Variants in LRBA observed in about 807,000 individuals in gnomAD.
LRBA encodes LPS responsive beige-like anchor protein.
A neutral mutation model predicts 330.0 loss-of-function variants in LRBA; 176 were observed. The observed-to-expected ratio is 0.53, with a 90% CI of 0.47 to 0.60. The LOEUF is 0.60. LRBA is among the 20% of genes least tolerant of loss of function. The pLI, the probability that LRBA is intolerant of heterozygous loss-of-function variation, is 0.00. For missense variants in LRBA, 3,259 were observed against 3,444.8 expected, an observed-to-expected ratio of 0.95 and a Z score of 1.35; for synonymous variants, 1,230 against 1,193.0, an observed-to-expected ratio of 1.03 and a Z score of -0.64.
At chr4:150,499,368 C>T (rs866567507) in intron 40 of LRBA, among the ~76,000 whole-genome samples, 1 of 152,088 alleles carries the variant, frequency 6.6e-6, no homozygotes, top group East Asian at 1.9e-4. Context: ...CAGGGCCAGG[C>T]AAAGTGGATT....
Position 150,712,887 on chromosome 4 carries a change from A to G in LRBA, c.5754+22371T>C, listed in dbSNP as rs77105500. 1.1e-3 allele frequency among the ~76,000 whole-genome samples: 165 copies of G among 152,286 alleles called. 2 individuals are homozygous for G. The East Asian group carries it at 0.025, about 23-fold the overall frequency. On this transcript the variant is annotated intron_variant, in intron 36 of 56. Transcript: ENST00000651943. ...TTTAGGAGGAAACACAAAAACACACAGAAACATTATGTTTCGAAAAGCCAC... is the reference window on the plus strand; with the variant it reads ...TTTAGGAGGAAACACAAAAACACACGGAAACATTATGTTTCGAAAAGCCAC...
intron 40 of LRBA, among the ~76,000 whole-genome samples, chr4:150,552,572 T>G (rs962623580): frequency 6.6e-6 from 1 of 152,294 alleles, no homozygotes; most frequent in East Asian, 1.9e-4. Flanking sequence ...GTTCAACCAC[T>G]GTGGAAGACA....
intron 40 of LRBA, among the ~76,000 whole-genome samples, chr4:150,539,399 C>T (rs1158796214): frequency 6.6e-6 from 1 of 152,120 alleles, no homozygotes; most frequent in Non-Finnish European, 1.5e-5. Flanking sequence ...CTAGGCTATT[C>T]TAAGGTATTT....
At position 150,916,385 on chromosome 4, in the gene LRBA, CAAG is replaced by C. The variant is rs760594391; in HGVS notation, c.894+13_894+15del. The C allele has an allele frequency of 4.3e-6, 7 of 1,610,358 alleles. No homozygotes were observed. The highest frequency in any genetic ancestry group is 1.1e-5 in the South Asian group (1 of 89,988). On this transcript the variant is annotated intron_variant, in intron 7 of 56. Coordinates refer to ENST00000651943, the MANE Select transcript of LRBA (RefSeq NM_001364905.1). ...ATAGCTTGTTAACATAACTATGACT[CAAG>C]AAGATCATGTACCTTTTGTGGCTTG... is the stretch of plus-strand genomic sequence containing the variant.
At chr4:150,464,540 G>C (rs1415079132) in intron 44 of LRBA, among the ~76,000 whole-genome samples, 1 of 151,968 alleles carries the variant, frequency 6.6e-6, no homozygotes, top group Non-Finnish European at 1.5e-5. Context: ...CGAGGTGTAA[G>C]GCCTTCCTTT....
At chr4:150,585,579 C>G (rs1053337195) in intron 40 of LRBA, among the ~76,000 whole-genome samples, 2 of 152,262 alleles carry the variant, frequency 1.3e-5, no homozygotes, top group African/African-American at 2.4e-5. Context: ...ATTAGTCAAA[C>G]AGAAAGTATC....
chr4:150,275,471 G>A (rs965093947), intron 56 of LRBA, among the ~76,000 whole-genome samples: 2 of 152,162 alleles, frequency 1.3e-5, no homozygotes, highest in Non-Finnish European at 2.9e-5. Context: ...TATTCAGATA[G>A]GAAAAGAGGA....
At chr4:150,576,106 T>C (rs1441660287) in intron 40 of LRBA, among the ~76,000 whole-genome samples, 2 of 151,148 alleles carry the variant, frequency 1.3e-5, no homozygotes, top group East Asian at 3.9e-4. Flanking sequence ...TCAAAGTTAT[T>C]TGGCAGGTAA....
intron 41 of LRBA, among the ~76,000 whole-genome samples, chr4:150,488,829 G>A (rs2152095190): frequency 7.2e-6 from 1 of 139,058 alleles, no homozygotes; most frequent in East Asian, 2.2e-4. Context: ...AGGTATTCAG[G>A]TAAATAAGTA....
chr4:150,864,962 T>C (rs1752493580), intron 22 of LRBA, among the ~76,000 whole-genome samples: 1 of 152,172 alleles, frequency 6.6e-6, no homozygotes, highest in South Asian at 2.1e-4. Flanking sequence ...TAGGTTATAC[T>C]TTTAACAACG....
At chr4:150,798,875 AC>A (rs1417740380) in intron 33 of LRBA, among the ~76,000 whole-genome samples, 3 of 152,214 alleles carry the variant, frequency 2.0e-5, no homozygotes. Flanking sequence ...AAATTGCATT[AC>A]TAGTAATCAA....
intron 37 of LRBA, among the ~76,000 whole-genome samples, chr4:150,642,291 T>C (rs1474053492): frequency 6.6e-6 from 1 of 151,858 alleles, no homozygotes; most frequent in East Asian, 1.9e-4. Flanking sequence ...GCACAAAAAA[T>C]AGAAAGTTGC....
At chr4:150,579,346 G>C in intron 40 of LRBA, 1 of 456,158 alleles carries the variant, frequency 2.2e-6, no homozygotes, top group Non-Finnish European at 4.4e-6. Context: ...TTAGAGCAGA[G>C]GCAGCCAGAG....
chr4:150,965,541 CCTAT>C (rs1384180885), intron 2 of LRBA, among the ~76,000 whole-genome samples: 1 of 152,024 alleles, frequency 6.6e-6, no homozygotes, highest in African/African-American at 2.4e-5. Flanking sequence ...CATCCATCTA[CCTAT>C]CTATTTATTT....
chr4:150,888,709 A>G (rs1729187079), intron 17 of LRBA, among the ~76,000 whole-genome samples: 1 of 152,198 alleles, frequency 6.6e-6, no homozygotes, highest in Non-Finnish European at 1.5e-5. Flanking sequence ...ACAACATAGA[A>G]AAAGAGAAAC....
chr4:150,404,563 C>T (rs1745926219), intron 47 of LRBA, among the ~76,000 whole-genome samples: 1 of 152,106 alleles, frequency 6.6e-6, no homozygotes, highest in Non-Finnish European at 1.5e-5. Flanking sequence ...AGAAGCCTAA[C>T]TATTACAGGT....
At chr4:150,592,804 T>G (rs1296464751) in intron 38 of LRBA, among the ~76,000 whole-genome samples, 1 of 152,088 alleles carries the variant, frequency 6.6e-6, no homozygotes, top group Admixed American at 6.5e-5. Flanking sequence ...ATTTTTTAAT[T>G]TAACTTTTTG....
chr4:150,489,219 TATATA>T (rs1366325804), intron 41 of LRBA, among the ~76,000 whole-genome samples: 4 of 52,976 alleles, frequency 7.6e-5, no homozygotes, highest in South Asian at 3.0e-3. Context: ...TATATACGAA[TATATA>T]ATATATTATA....
At chr4:150,658,510 C>G (rs1320059938) in intron 37 of LRBA, among the ~76,000 whole-genome samples, 1 of 660 alleles carries the variant, frequency 1.5e-3, no homozygotes, top group African/African-American at 2.2e-3. Context: ...TAAAAGTCTC[C>G]CTCTCCCTCT....
Sources: allele counts gnomAD v4.1 joint callset (sites outside exome capture counted in the v4.1 genomes callset), GRCh38; gene constraint gnomAD v4.1.1; transcripts MANE v1.5; gene names NCBI Gene and HGNC (gene_info 2026-07-23, HGNC 2026-07-21).